The following WDFY3 variants were observed in gnomAD, a reference collection of about 807,000 sequenced individuals.
The protein encoded by WDFY3 is WD repeat and FYVE domain-containing protein 3.
WDFY3 carries 66 observed loss-of-function variants against 409.6 expected under a neutral mutation model. That is an observed-to-expected ratio of 0.16 (90% confidence interval 0.13 to 0.20). WDFY3 has a LOEUF of 0.20. WDFY3 is among the 10% of genes least tolerant of loss of function. The probability of loss-of-function intolerance (pLI) is 1.00; values close to 1 mark genes in which losing one functional copy is unlikely to be tolerated. For missense variants in WDFY3, 3,031 were observed against 4,298.1 expected, an observed-to-expected ratio of 0.71 and a Z score of 8.24; for synonymous variants, 1,521 against 1,537.1, an observed-to-expected ratio of 0.99 and a Z score of 0.25.
At chr4:84,708,884 G>C (rs765350068) in intron 53 of WDFY3, 25 bp downstream of exon 53, 2 of 1,608,198 alleles carry the variant, frequency 1.2e-6, no homozygotes, top group Non-Finnish European at 1.7e-6. Context: ...TGTGTTCTAC[G>C]TAAGCAAAAT....
At chr4:84,779,987 C>T (rs139378982) in intron 26 of WDFY3, 121 bp downstream of exon 26, 9 of 1,115,472 alleles carry the variant, frequency 8.1e-6, no homozygotes, top group African/African-American at 3.2e-5. Context: ...AAACTACTGT[C>T]TCTTTAAGTT....
intron 3 of WDFY3, chr4:84,879,634 A>T (rs1216154665): frequency 6.6e-6 from 1 of 150,998 alleles, no homozygotes; most frequent in East Asian, 1.9e-4. Flanking sequence ...CACACACACA[A>T]AATTGGCCTT....
intron 46 of WDFY3, among the ~76,000 whole-genome samples, chr4:84,722,491 T>C (rs1271146464): frequency 3.3e-5 from 5 of 152,206 alleles, no homozygotes; most frequent in East Asian, 3.8e-4. Flanking sequence ...TGGCTTTTCA[T>C]ACATGAATTA....
chr4:84,672,936 C>T lies in WDFY3; in HGVS notation c.10513G>A (p.Val3505Ile). 6.2e-7 allele frequency: 1 copy of T among 1,614,128 alleles called. No homozygotes were observed. The highest frequency in any genetic ancestry group is 1.1e-5 in the South Asian group (1 of 91,078). Residue 3505 changes from valine (V) to isoleucine (I), a missense_variant, in exon 68 of 68, where the codon GTT becomes ATT. Val to Ile is a conservative substitution (Grantham distance 29). Around this residue, in one of 16 missense-constraint regions of WDFY3, gnomAD observed 378 missense variants for 477.3 expected, o/e 0.79. Coordinates refer to ENST00000295888, the MANE Select transcript of WDFY3 (RefSeq NM_014991.6). ...AAGTTATAATAACAGTTCTGACAAA[C>T]ACGCACCGGGGATGAGATTTTCAAG... is the stretch of plus-strand genomic sequence containing the variant. ...KRLKISSPVRVCQNCYYNLQH... is the reference protein window; with the variant it reads ...KRLKISSPVRICQNCYYNLQH...
intron 13 of WDFY3, among the ~76,000 whole-genome samples, chr4:84,814,920 C>T (rs566064865): frequency 6.6e-6 from 1 of 152,202 alleles, no homozygotes; most frequent in South Asian, 2.1e-4. Context: ...TATGGGGGGA[C>T]TACCATACAA....
At chr4:84,744,912 C>T (rs1255698905) in intron 36 of WDFY3, among the ~76,000 whole-genome samples, 1 of 145,290 alleles carries the variant, frequency 6.9e-6, no homozygotes, top group Non-Finnish European at 1.5e-5. Context: ...AATAGATTGT[C>T]AGCAAAGACA....
At chr4:84,828,511 C>T (rs914296269) in intron 9 of WDFY3, among the ~76,000 whole-genome samples, 1 of 152,112 alleles carries the variant, frequency 6.6e-6, no homozygotes, top group Non-Finnish European at 1.5e-5. Context: ...CAGATTTATG[C>T]TTCATATCTA....
intron 67 of WDFY3, among the ~76,000 whole-genome samples, chr4:84,673,303 A>G (rs1047110179): frequency 7.9e-5 from 12 of 152,282 alleles, no homozygotes; most frequent in African/African-American, 2.9e-4. Context: ...AGGCCATTCT[A>G]CCTGTGTAGA....
chr4:84,808,711 T>C (rs1469496944), intron 14 of WDFY3, among the ~76,000 whole-genome samples: 2 of 152,196 alleles, frequency 1.3e-5, no homozygotes, highest in Non-Finnish European at 2.9e-5. Flanking sequence ...CTAGGATAAG[T>C]AGAAATCAAG....
chr4:84,676,491 G>A (rs1726319965), intron 67 of WDFY3, among the ~76,000 whole-genome samples: 1 of 151,728 alleles, frequency 6.6e-6, no homozygotes, highest in Non-Finnish European at 1.5e-5. Context: ...ATAAGTCTGT[G>A]TTCTATCAAT....
At chr4:84,743,329 T>C (rs1414109847) in intron 37 of WDFY3, among the ~76,000 whole-genome samples, 1 of 152,192 alleles carries the variant, frequency 6.6e-6, no homozygotes, top group Non-Finnish European at 1.5e-5. Flanking sequence ...AAAGATAACA[T>C]ACATATACCT....
intron 58 of WDFY3, among the ~76,000 whole-genome samples, chr4:84,693,407 A>G (rs1372222634): frequency 1.3e-5 from 2 of 152,008 alleles, no homozygotes. Flanking sequence ...GCAGGCAGAC[A>G]CTCTATCTAG....
chr4:84,947,534 A>G (rs1773026721), intron 1 of WDFY3, among the ~76,000 whole-genome samples: 1 of 146,882 alleles, frequency 6.8e-6, no homozygotes, highest in Non-Finnish European at 1.5e-5. Context: ...AATAATAATA[A>G]TAATAATAAA....
chr4:84,764,396 A>G (rs1161153401), intron 32 of WDFY3, among the ~76,000 whole-genome samples: 1 of 152,234 alleles, frequency 6.6e-6, no homozygotes, highest in Non-Finnish European at 1.5e-5. Context: ...TTTTGAGCAC[A>G]AAAGTACCCA....
intron 3 of WDFY3, among the ~76,000 whole-genome samples, chr4:84,880,670 C>CATAT (rs1412358154): frequency 4.2e-4 from 23 of 55,212 alleles, no homozygotes; most frequent in African/African-American, 1.8e-3. Flanking sequence ...ATAAGGGAAC[C>CATAT]ATACATATAT....
intron 2 of WDFY3, among the ~76,000 whole-genome samples, chr4:84,915,959 C>G (rs1430506399): frequency 6.6e-6 from 1 of 152,144 alleles, no homozygotes; most frequent in Non-Finnish European, 1.5e-5. Context: ...AATGAAGAAC[C>G]TGTTTCATAA....
intron 45 of WDFY3, among the ~76,000 whole-genome samples, chr4:84,725,155 G>A (rs958128304): frequency 6.6e-6 from 1 of 152,170 alleles, no homozygotes; most frequent in Admixed American, 6.5e-5. Context: ...CCTTCTGAGA[G>A]TCCTGACCCA....
intron 27 of WDFY3, among the ~76,000 whole-genome samples, chr4:84,775,985 A>T (rs1354420311): frequency 6.6e-6 from 1 of 152,058 alleles, no homozygotes; most frequent in Non-Finnish European, 1.5e-5. Context: ...GAAAAATTAC[A>T]CAAGATGGAA....
At chr4:84,891,221 C>T (rs1390236432) in intron 3 of WDFY3, among the ~76,000 whole-genome samples, 1 of 152,078 alleles carries the variant, frequency 6.6e-6, no homozygotes, top group Non-Finnish European at 1.5e-5. Context: ...TTTCGTCTGC[C>T]CTTTCCTCTC....
Sources: allele counts gnomAD v4.1 joint callset (sites outside exome capture counted in the v4.1 genomes callset), GRCh38; gene constraint gnomAD v4.1.1; regional missense constraint gnomAD v4.1.1; transcripts MANE v1.5; gene names NCBI Gene and HGNC (gene_info 2026-07-23, HGNC 2026-07-21).